Variants in CRYBG1 observed in about 807,000 individuals in gnomAD.
The protein encoded by CRYBG1 is crystallin beta-gamma domain containing 1, also known as beta/gamma crystallin domain-containing protein 1.
A neutral mutation model predicts 189.2 loss-of-function variants in CRYBG1; 139 were observed. The ratio of observed to expected loss-of-function variants is 0.73; its 90% CI spans 0.64 to 0.85. CRYBG1 has a LOEUF of 0.85. CRYBG1 is among the 40% of genes least tolerant of loss of function. The probability of loss-of-function intolerance (pLI) is 0.00; values close to 1 mark genes in which losing one functional copy is unlikely to be tolerated. For missense variants in CRYBG1, 2,611 were observed against 2,675.8 expected, an observed-to-expected ratio of 0.98 and a Z score of 0.53; for synonymous variants, 1,023 against 1,017.1, an observed-to-expected ratio of 1.01 and a Z score of -0.11.
intron 8 of CRYBG1, 95 bp downstream of exon 8, chr6:106,530,410 C>T: frequency 8.2e-7 from 1 of 1,222,736 alleles, no homozygotes; most frequent in Non-Finnish European, 1.1e-6. Flanking sequence ...TCTAATTTGT[C>T]ATCCTGTTAA....
At chr6:106,496,764 C>G (rs1371388886) in intron 2 of CRYBG1, among the ~76,000 whole-genome samples, 11 of 152,184 alleles carry the variant, frequency 7.2e-5, no homozygotes, top group Non-Finnish European at 1.3e-4. Context: ...TTGAGTTTCT[C>G]TGTGATACAA....
chr6:106,497,197 G>T (rs1399181777), intron 2 of CRYBG1, among the ~76,000 whole-genome samples: 1 of 151,818 alleles, frequency 6.6e-6, no homozygotes, highest in African/African-American at 2.4e-5. Flanking sequence ...AATGGAATGG[G>T]TGAAGAATAA....
intron 4 of CRYBG1, among the ~76,000 whole-genome samples, chr6:106,522,731 C>T (rs1475586855): frequency 6.6e-6 from 1 of 152,172 alleles, no homozygotes; most frequent in Non-Finnish European, 1.5e-5. Flanking sequence ...TTGCACCTTT[C>T]CTCGTCTGTA....
intron 2 of CRYBG1, among the ~76,000 whole-genome samples, chr6:106,504,092 T>A (rs1055224484): frequency 1.3e-5 from 2 of 149,498 alleles, no homozygotes; most frequent in African/African-American, 2.5e-5. Flanking sequence ...TGTTACATTA[T>A]GTTGAAATGA....
At chr6:106,386,665 G>A (rs1482989718) in intron 1 of CRYBG1, among the ~76,000 whole-genome samples, 2 of 129,892 alleles carry the variant, frequency 1.5e-5, no homozygotes, top group African/African-American at 3.0e-5. Context: ...TCCCTTGTAT[G>A]TACAGTTCAC....
intron 1 of CRYBG1, among the ~76,000 whole-genome samples, chr6:106,440,680 C>T (rs554019206): frequency 9.2e-5 from 14 of 152,112 alleles, no homozygotes; most frequent in South Asian, 4.1e-4. Flanking sequence ...ATTTGTGTGA[C>T]GGAAAGGGAA....
intron 4 of CRYBG1, 36 bp from the exon 5 acceptor site, chr6:106,525,097 T>C (rs1370605311): frequency 6.2e-7 from 1 of 1,607,780 alleles, no homozygotes; most frequent in Non-Finnish European, 8.5e-7. Flanking sequence ...TGTGAAGTTG[T>C]AATTATTTGT....
At chr6:106,382,934 T>C (rs1770314024) in intron 1 of CRYBG1, among the ~76,000 whole-genome samples, 1 of 152,188 alleles carries the variant, frequency 6.6e-6, no homozygotes, top group South Asian at 2.1e-4. Context: ...ACTTTATTAT[T>C]ATTAAGTAAT....
intron 20 of CRYBG1, among the ~76,000 whole-genome samples, chr6:106,562,654 C>CT: frequency 6.6e-6 from 1 of 151,990 alleles, no homozygotes; most frequent in East Asian, 1.9e-4. Context: ...GCCCAGCTAA[C>CT]TTTTTTGTAT....
At chr6:106,419,217 A>G (rs1771080949) in intron 1 of CRYBG1, among the ~76,000 whole-genome samples, 1 of 152,196 alleles carries the variant, frequency 6.6e-6, no homozygotes, top group South Asian at 2.1e-4. Context: ...TCAATTTTAC[A>G]GGCTGCTCTT....
In CRYBG1 at chr6:106,520,317, A is replaced by T. The variant is rs1394981764; in HGVS notation, c.3109A>T (p.Thr1037Ser). ...PQVIPPASEK[T>S]LPIQAQSQGS... is the part of the protein sequence containing the mutation. ...AGTCATACCGCCAGCATCAGAGAAA[A>T]CTCTGCCTATTCAGGCTCAAAGTCA... The change falls in exon 4 of 22, where the codon ACT becomes TCT. Residue 1037 changes from threonine (T) to serine (S), a missense_variant. Thr to Ser is a moderately conservative substitution (Grantham distance 58). This residue lies in a region of CRYBG1 where 1,622 missense variants were observed against 1,735.0 expected (regional missense o/e 0.93). Transcript: ENST00000633556. The T allele has an allele frequency of 1.2e-6, 2 of 1,613,166 alleles. No homozygotes were observed. The highest frequency in any genetic ancestry group is 2.7e-5 in the African/African-American group (2 of 74,552).
At chr6:106,435,446 T>C (rs992959035) in intron 1 of CRYBG1, among the ~76,000 whole-genome samples, 1 of 152,152 alleles carries the variant, frequency 6.6e-6, no homozygotes, top group Non-Finnish European at 1.5e-5. Context: ...ATTACACACA[T>C]GAGTCACTGT....
chr6:106,411,676 G>C (rs1323287832), intron 1 of CRYBG1, among the ~76,000 whole-genome samples: 1 of 152,152 alleles, frequency 6.6e-6, no homozygotes, highest in Non-Finnish European at 1.5e-5. Context: ...TCCCACAATA[G>C]GCTGTCTACA....
chr6:106,520,640 C>A lies in CRYBG1; in HGVS notation c.3432C>A (p.His1144Gln). Residue 1144 changes from histidine to glutamine, a missense_variant, in exon 4 of 22, where the codon CAC (histidine) becomes CAA (glutamine). Physicochemically the swap from His to Gln is conservative, Grantham distance 24. Around this residue, in one of 3 missense-constraint regions of CRYBG1, gnomAD observed 1,622 missense variants for 1,735.0 expected, o/e 0.93. Coordinates refer to ENST00000633556, the MANE Select transcript of CRYBG1 (RefSeq NM_001371242.2). Reference protein sequence around the residue: ...PAPHFAMPPIHEDHLEKVFDP... With the variant: ...PAPHFAMPPIQEDHLEKVFDP... ...CTCACTTTGCCATGCCTCCTATTCA[C>A]GAAGACCATTTAGAAAAGGTGTTTG... 1.2e-6 allele frequency: 2 copies of A among 1,614,194 alleles called. No homozygotes were observed. Among genetic ancestry groups the A allele is most frequent in the Non-Finnish European group, 1.7e-6 (2 of 1,180,042 alleles).
At chr6:106,380,949 T>C (rs1406568182) in intron 1 of CRYBG1, among the ~76,000 whole-genome samples, 1 of 152,138 alleles carries the variant, frequency 6.6e-6, no homozygotes, top group Non-Finnish European at 1.5e-5. Flanking sequence ...TGAGTAGAAA[T>C]CTTAAACATC....
At chr6:106,433,735 A>G (rs548276136) in intron 1 of CRYBG1, among the ~76,000 whole-genome samples, 2 of 84,030 alleles carry the variant, frequency 2.4e-5, no homozygotes, top group African/African-American at 9.9e-5. Flanking sequence ...ATATATATAT[A>G]CATATATATG....
intron 2 of CRYBG1, among the ~76,000 whole-genome samples, chr6:106,498,478 G>A (rs1468383496): frequency 6.6e-6 from 1 of 152,096 alleles, no homozygotes; most frequent in Non-Finnish European, 1.5e-5. Context: ...AATGATATGG[G>A]TAGAGATAAG....
intron 2 of CRYBG1, among the ~76,000 whole-genome samples, chr6:106,458,124 G>A (rs978135270): frequency 6.6e-6 from 1 of 152,186 alleles, no homozygotes; most frequent in African/African-American, 2.4e-5. Flanking sequence ...TTCTGAAGAC[G>A]GAGGAGTGGT....
intron 2 of CRYBG1, among the ~76,000 whole-genome samples, chr6:106,462,236 T>C (rs1449326007): frequency 6.6e-6 from 1 of 152,230 alleles, no homozygotes; most frequent in Non-Finnish European, 1.5e-5. Flanking sequence ...AGTGGCGCTA[T>C]CTCGGCTCAC....
Sources: allele counts gnomAD v4.1 joint callset (sites outside exome capture counted in the v4.1 genomes callset), GRCh38; gene constraint gnomAD v4.1.1; regional missense constraint gnomAD v4.1.1; transcripts MANE v1.5; gene names NCBI Gene and HGNC (gene_info 2026-07-23, HGNC 2026-07-21).